The following LETMD1 variants were observed in gnomAD, a reference collection of about 807,000 sequenced individuals.
LETMD1 encodes the protein LETM1 domain-containing protein 1.
Under a neutral mutation model 43.9 loss-of-function variants are expected in LETMD1, and 30 were observed. The observed-to-expected ratio is 0.68, with a 90% CI of 0.51 to 0.93. LETMD1 has a LOEUF of 0.93. Ranked by LOEUF, LETMD1 falls within the 40% of genes least tolerant of loss-of-function variation. The pLI is 0.00. For synonymous variants in LETMD1, 176 were observed against 163.1 expected (o/e 1.08, Z -0.60); for missense variants, 413 against 447.7 (o/e 0.92, Z 0.70).
At chr12:51,064,681 CAAG>C (rs1329114056), downstream of LETMD1, 20 of 1,500,920 alleles carry the variant, frequency 1.3e-5, no homozygotes, top group Non-Finnish European at 1.8e-5. Context: ...TGAGCGGGGA[CAAG>C]AAGGTTGGGG....
chr12:51,060,131 T>C lies in LETMD1; in HGVS notation c.*700T>C, dbSNP rs1374237592. ...CTAGCCTTCACTCTCCATTGTCTTT[T>C]CTGGGCTGTATTACAGCCCTCTGTG... On this transcript the variant is annotated 3_prime_UTR_variant, in exon 9 of 9. Coordinates refer to ENST00000262055, the MANE Select transcript of LETMD1 (RefSeq NM_015416.5). The C allele has an allele frequency of 6.5e-6, 1 of 152,838 alleles. No homozygotes were observed. The highest frequency in any genetic ancestry group is 1.5e-5 in the Non-Finnish European group (1 of 68,214). 9.5% of individuals were successfully genotyped at this position (152,838 alleles called of 1,614,324 possible).
chr12:51,056,077 C>T, intron 5 of LETMD1, 56 bp downstream of exon 5: 1 of 1,605,920 alleles, frequency 6.2e-7, no homozygotes. Flanking sequence ...ATTCAGTGTG[C>T]ACTAAACTAG....
Position 51,059,480 on chromosome 12 carries a change from G to A in LETMD1, c.*49G>A, listed in dbSNP as rs1051283076. On this transcript the variant is annotated 3_prime_UTR_variant, in exon 9 of 9. Coordinates refer to ENST00000262055, the MANE Select transcript of LETMD1 (RefSeq NM_015416.5). ...TGTCCTGCAGTCGTATAGTATAGCA[G>A]TGCAGGAACAAACAGCACTTGCCAG... The A allele has an allele frequency of 6.5e-7, 1 of 1,535,072 alleles. No homozygotes were observed. Among genetic ancestry groups the A allele is most frequent in the Non-Finnish European group, 9.0e-7 (1 of 1,108,080 alleles).
At chr12:51,053,692 T>G in intron 3 of LETMD1, 86 bp from the exon 4 acceptor site, 1 of 851,478 alleles carries the variant, frequency 1.2e-6, no homozygotes, top group Admixed American at 2.4e-5. Context: ...GTAATAGAAG[T>G]TTACTGTACA....
the LETMD1 span, among the ~76,000 whole-genome samples, chr12:51,067,118 A>G: frequency 1.0e-3 from 151 of 151,704 alleles, no homozygotes; most frequent in Non-Finnish European, 6.6e-4. The surrounding 1 kb of genome is among the most constrained non-coding windows in gnomAD (Gnocchi z 4.1). Flanking sequence ...GATGTGAGCC[A>G]CCATGCCCAG....
downstream of LETMD1, chr12:51,064,566 T>G: frequency 6.2e-7 from 1 of 1,612,468 alleles, no homozygotes; most frequent in Non-Finnish European, 8.5e-7. Flanking sequence ...CATAATGGTG[T>G]GGAGGTAATG....
chr12:51,057,974 T>G, intron 7 of LETMD1, 58 bp from the exon 8 acceptor site: 1 of 1,114,810 alleles, frequency 9.0e-7, no homozygotes, highest in Non-Finnish European at 1.4e-6. Context: ...GGATTTCCAT[T>G]TCCTTGGCAT....
intron 2 of LETMD1, among the ~76,000 whole-genome samples, chr12:51,050,159 A>G (rs1394115628): frequency 6.6e-6 from 1 of 152,054 alleles, no homozygotes. Flanking sequence ...TTCTGTTTTC[A>G]TGTAGATAAA....
chr12:51,055,065 A>G (rs1947251854), intron 4 of LETMD1, among the ~76,000 whole-genome samples: 1 of 152,096 alleles, frequency 6.6e-6, no homozygotes, highest in South Asian at 2.1e-4. Context: ...GCGCCACTGC[A>G]GTCCAGCTTG....
downstream of LETMD1, chr12:51,061,137 C>T (rs1227307743): frequency 6.6e-6 from 1 of 152,094 alleles, no homozygotes; most frequent in Non-Finnish European, 1.5e-5. Flanking sequence ...TATAACGAAG[C>T]TAGAGAAGCA....
At position 51,058,146 on chromosome 12, in the gene LETMD1, G is replaced by T; in HGVS notation, c.1012+18G>T. On this transcript the variant is annotated intron_variant, in intron 8 of 8. Transcript: ENST00000262055. ...CCTGAAAGGTAAAACACATTTCTGT[G>T]GTTATACCACTAAAATCCAAGTCAC... The T allele has an allele frequency of 1.3e-6, 2 of 1,489,754 alleles. No homozygotes were observed. Among genetic ancestry groups the T allele is most frequent in the African/African-American group, 2.8e-5 (2 of 72,560 alleles). 92.3% of individuals were successfully genotyped at this position (1,489,754 alleles called of 1,614,324 possible).
chr12:51,049,914 A>G (rs1945497241), intron 2 of LETMD1, among the ~76,000 whole-genome samples: 1 of 152,226 alleles, frequency 6.6e-6, no homozygotes, highest in Admixed American at 6.5e-5. Flanking sequence ...ACTTATTTTC[A>G]TCTAAATGTT....
rs144114153 is a variant in LETMD1, at chr12:51,049,061, G to C, written c.150G>C (p.Lys50Asn). 1.9e-6 allele frequency: 3 copies of C among 1,613,932 alleles called. No homozygotes were observed. The African/African-American group carries it at 4.0e-5, about 22-fold the overall frequency. Reference protein sequence around the residue: ...PRSSKLHLSPKADVKNLMSYV... With the variant: ...PRSSKLHLSPNADVKNLMSYV... ...CTTCAAAGCTTCACCTTTCTCCAAA[G>C]GCAGATGTGAAGAACTTGATGTCTT... The change falls in exon 2 of 9, where the codon AAG (lysine) becomes AAC (asparagine). Residue 50 changes from lysine (K) to asparagine (N), a missense_variant. Lys to Asn is a moderately conservative substitution (Grantham distance 94, BLOSUM62 0). Transcript: ENST00000262055.
chr12:51,056,384 A>T lies in LETMD1; in HGVS notation c.797A>T (p.Tyr266Phe). 6.2e-7 allele frequency: 1 copy of T among 1,614,102 alleles called. No homozygotes were observed. The highest frequency in any genetic ancestry group is 1.7e-5 in the Admixed American group (1 of 59,996). ...AGCCGGGCCATGCTTCTCACATCTT[A>T]CCTGCCTCCTCCCTTGTTGAGACAT... The part of the protein sequence containing the change: ...ALSRAMLLTS[Y>F]LPPPLLRHRL... The change falls in exon 7 of 9, where the codon TAC becomes TTC. Residue 266 changes from tyrosine to phenylalanine, a missense_variant. By Grantham distance (22) the Tyr-to-Phe change is conservative. Transcript: ENST00000262055.
intron 4 of LETMD1, among the ~76,000 whole-genome samples, chr12:51,054,470 T>G (rs542800420): frequency 2.0e-4 from 30 of 152,140 alleles, no homozygotes; most frequent in Non-Finnish European, 3.4e-4. Flanking sequence ...CCAATATCAC[T>G]CTTATGTCTG....
intron 3 of LETMD1, 73 bp downstream of exon 3, chr12:51,052,280 T>G (rs1946392807): frequency 1.3e-6 from 2 of 1,567,216 alleles, no homozygotes; most frequent in Non-Finnish European, 1.7e-6. Flanking sequence ...CAAGGTTTTT[T>G]CTTTCATTTG....
downstream of LETMD1, chr12:51,061,188 C>CA (rs1566165622): frequency 6.6e-6 from 1 of 152,222 alleles, no homozygotes; most frequent in Non-Finnish European, 1.5e-5. Context: ...CCTGCCGAGA[C>CA]AAAGAGTAAC....
the LETMD1 span, among the ~76,000 whole-genome samples, chr12:51,066,891 A>G: frequency 1.1e-4 from 16 of 152,240 alleles, no homozygotes; most frequent in African/African-American, 3.6e-4. Flanking sequence ...CAGTGGCACA[A>G]TCATAGCTTA....
At chr12:51,068,845 A>AT in the LETMD1 span, among the ~76,000 whole-genome samples, 2 of 152,238 alleles carry the variant, frequency 1.3e-5, no homozygotes, top group Non-Finnish European at 2.9e-5. Context: ...ATGAACCCAA[A>AT]TCCCCACAGT....
Sources: allele counts gnomAD v4.1 joint callset (sites outside exome capture counted in the v4.1 genomes callset), GRCh38; gene constraint gnomAD v4.1.1; non-coding constraint Gnocchi (gnomAD v3.1); transcripts MANE v1.5; gene names NCBI Gene and HGNC (gene_info 2026-07-23, HGNC 2026-07-21).